The following TRIM48 variants were observed in gnomAD, a reference collection of about 807,000 sequenced individuals.
TRIM48 encodes the protein tripartite motif containing 48.
In TRIM48, 31 loss-of-function variants were observed where a neutral mutation model predicts 29.5. That is an observed-to-expected ratio of 1.05 (90% CI 0.79 to 1.42). The LOEUF is 1.42. Among genes scored for constraint, TRIM48 ranks in the 40% most tolerant of loss-of-function variants. TRIM48 has a pLI of 0.00. For synonymous variants in TRIM48, 128 were observed against 90.6 expected, an observed-to-expected ratio of 1.41 and a Z score of -2.34; for missense variants, 344 against 265.0, an observed-to-expected ratio of 1.30 and a Z score of -2.07.
At chr11:55,262,658 A>G (rs1857322447) in intron 1 of TRIM48, among the ~76,000 whole-genome samples, 1 of 152,168 alleles carries the variant, frequency 6.6e-6, no homozygotes, top group African/African-American at 2.4e-5. Flanking sequence ...AATTGAGAAG[A>G]CATTAATGAA....
intron 2 of TRIM48, 36 bp downstream of exon 2, chr11:55,265,350 G>C (rs1416917517): frequency 6.3e-7 from 1 of 1,580,386 alleles, no homozygotes; most frequent in African/African-American, 1.4e-5. Context: ...TTCTATAAAG[G>C]ACACATGAAA....
At chr11:55,265,511 G>T in intron 2 of TRIM48, 89 bp from the exon 3 acceptor site, 4 of 1,501,828 alleles carry the variant, frequency 2.7e-6, no homozygotes, top group Admixed American at 1.9e-5. Context: ...GGACTTATTT[G>T]TCTCTCATTC....
rs1857444630 is a variant in TRIM48, at chr11:55,269,403, G to T, written c.*1+64G>T. The stretch of plus-strand genomic sequence containing the variant: ...ATATTATTATTGTTAGGATCACATA[G>T]GTAATATTTCATCCTTTATCAAATA... On this transcript the variant is annotated intron_variant, in intron 5 of 5. Coordinates refer to ENST00000417545, the MANE Select transcript of TRIM48 (RefSeq NM_024114.5). 9 of 1,526,636 alleles carry T rather than the reference G, an allele frequency of 5.9e-6. 1 individual carries two copies. The East Asian group carries it at 1.7e-4, about 30-fold the overall frequency. The allele number at this position is 1,526,636 out of a possible 1,614,324, so 94.6% of individuals were successfully genotyped here.
chr11:55,265,433 C>A lies in TRIM48; in HGVS notation c.459+119C>A, dbSNP rs915403761. ...TCCCTTTAAGCAACTCTCTTTTGGG[C>A]TTTCTTAGCTTCAAACCTCTGAGAT... On this transcript the variant is annotated intron_variant, in intron 2 of 5. Transcript: ENST00000417545. 4 of 1,504,574 alleles carry A rather than the reference C, an allele frequency of 2.7e-6. 1 individual carries two copies. The Admixed American group carries it at 8.2e-5, about 31-fold the overall frequency. 93.2% of individuals were successfully genotyped at this position (1,504,574 alleles called of 1,614,324 possible).
At position 55,271,088 on chromosome 11, in the gene TRIM48, C is replaced by T. The variant is rs1016615069; in HGVS notation, c.*653C>T. 1.4e-5 allele frequency: 15 copies of T among 1,063,956 alleles called. No individual in the cohort carries two copies. In the Admixed American group the frequency reaches 2.0e-4, roughly 14 times the overall value. 65.9% of individuals were successfully genotyped at this position (1,063,956 alleles called of 1,614,324 possible). ...TTATTAAAACTCATTTATTGTGTTA[C>T]TATTAAATGTAGTAAAAACACTAAA... is the stretch of plus-strand genomic sequence containing the variant. On this transcript the variant is annotated 3_prime_UTR_variant, in exon 6 of 6. Coordinates refer to ENST00000417545, the MANE Select transcript of TRIM48 (RefSeq NM_024114.5).
At chr11:55,267,801 G>A (rs1857416270) in intron 3 of TRIM48, among the ~76,000 whole-genome samples, 1 of 147,622 alleles carries the variant, frequency 6.8e-6, no homozygotes, top group East Asian at 2.2e-4. Flanking sequence ...CCCCGCCAAG[G>A]GATCCTACCA....
chr11:55,270,687 T>C lies in TRIM48; in HGVS notation c.*252T>C, dbSNP rs749839358. On this transcript the variant is annotated 3_prime_UTR_variant, in exon 6 of 6. Coordinates refer to ENST00000417545, the MANE Select transcript of TRIM48 (RefSeq NM_024114.5). ...GGAAAGGGAAGAATCAGAATGGCAA[T>C]ATATATGGAGAGGAGGGACTCTTTA... 1.3e-5 allele frequency: 21 copies of C among 1,572,966 alleles called. 2 individuals carry two copies. Among genetic ancestry groups the C allele is most frequent in the Non-Finnish European group, 1.6e-5 (19 of 1,156,600 alleles).
chr11:55,263,424 A>G (rs7120292), intron 1 of TRIM48, among the ~76,000 whole-genome samples: 24,932 of 151,962 alleles, frequency 0.16, 2,177 homozygotes, highest in South Asian at 0.32. Context: ...AGGCCGTGGC[A>G]GGCAGATCAC....
intron 3 of TRIM48, 102 bp downstream of exon 3, chr11:55,265,797 C>CA (rs34036307): frequency 0.17 from 141,279 of 835,760 alleles, 4,804 homozygotes; most frequent in Admixed American, 0.21. Flanking sequence ...TTCTGGGAGT[C>CA]AAAAAAAAAA....
rs1169757784 is a variant in TRIM48 at position 55,270,977 on chromosome 11, C to G, written c.*542C>G. ...AAATGTGTTCATCTGCTGTGGGAACCCCTTTATCCCAGAAAGCCCTCTTCC... is the reference window on the plus strand; with the variant it reads ...AAATGTGTTCATCTGCTGTGGGAACGCCTTTATCCCAGAAAGCCCTCTTCC... On this transcript the variant is annotated 3_prime_UTR_variant, in exon 6 of 6. Transcript: ENST00000417545. 37 of 1,546,120 alleles carry G rather than the reference C, an allele frequency of 2.4e-5. 2 individuals carry two copies. The African/African-American group carries it at 3.7e-4, about 16-fold the overall frequency.
intron 1 of TRIM48, among the ~76,000 whole-genome samples, chr11:55,262,751 A>G (rs117303540): frequency 0.014 from 2,130 of 152,186 alleles, 110 homozygotes; most frequent in East Asian, 0.12. Context: ...GAAACTGAAA[A>G]AAATGAGAAA....
chr11:55,269,707 G>A (rs892956464), intron 5 of TRIM48, among the ~76,000 whole-genome samples: 1 of 147,322 alleles, frequency 6.8e-6, no homozygotes. Flanking sequence ...GTTAAGAACT[G>A]TTCTTTTGGG....
chr11:55,263,231 A>G lies in TRIM48; in HGVS notation c.44+920A>G, dbSNP rs116446948. On this transcript the variant is annotated intron_variant, in intron 1 of 5. Coordinates refer to ENST00000417545, the MANE Select transcript of TRIM48 (RefSeq NM_024114.5). ...TTACCACTGTGTTACAATTGCCTAG[A>G]GTATACAGTATAGAACACGCTGTAC... 7.2e-3 allele frequency among the ~76,000 whole-genome samples: 1,101 copies of G among 152,284 alleles called. 15 individuals are homozygous for G. The highest frequency in any genetic ancestry group is 0.025 in the African/African-American group (1,055 of 41,550).
At chr11:55,263,172 C>CT (rs1408552086) in intron 1 of TRIM48, among the ~76,000 whole-genome samples, 1 of 152,038 alleles carries the variant, frequency 6.6e-6, no homozygotes, top group African/African-American at 2.4e-5. Flanking sequence ...TTTACTGCAC[C>CT]TTTTCTGTAT....
intron 3 of TRIM48, 102 bp downstream of exon 3, chr11:55,265,797 C>T: frequency 1.2e-6 from 1 of 847,626 alleles, no homozygotes; most frequent in Non-Finnish European, 1.6e-6. Flanking sequence ...TTCTGGGAGT[C>T]AAAAAAAAAA....
In TRIM48 at chr11:55,262,215, A is replaced by G; in HGVS notation, c.-53A>G. 1.4e-6 allele frequency: 2 copies of G among 1,460,784 alleles called. No homozygotes were observed. The highest frequency in any genetic ancestry group is 2.5e-5 in the East Asian group (1 of 40,466). 90.5% of individuals were successfully genotyped at this position (1,460,784 alleles called of 1,614,324 possible). On this transcript the variant is annotated 5_prime_UTR_variant, in exon 1 of 6. Transcript: ENST00000417545. ...GAGCTGTGTTTTGGTGACCTCTGAA[A>G]CTCAGTACTGCAGCGAATGAGCTCC...
chr11:55,268,679 G>T (rs1355173739), intron 4 of TRIM48, among the ~76,000 whole-genome samples: 5 of 147,930 alleles, frequency 3.4e-5, no homozygotes, highest in Non-Finnish European at 7.5e-5. Context: ...AAGCAGGAGA[G>T]AAGTGGGGGA....
rs1343404019 is a variant in TRIM48 at position 55,266,340 on chromosome 11, T to C, written c.555+645T>C. 2.0e-5 allele frequency among the ~76,000 whole-genome samples: 3 copies of C among 147,498 alleles called. 1 individual carries two copies. Among genetic ancestry groups the C allele is most frequent in the Non-Finnish European group, 4.5e-5 (3 of 66,876 alleles). ...ACTTCAGAAAAATATTAAAAATGATTTCCTCTTTGTGGATGTATACTCTGA... is the reference window on the plus strand; with the variant it reads ...ACTTCAGAAAAATATTAAAAATGATCTCCTCTTTGTGGATGTATACTCTGA... On this transcript the variant is annotated intron_variant, in intron 3 of 5. Coordinates refer to ENST00000417545, the MANE Select transcript of TRIM48 (RefSeq NM_024114.5).
At chr11:55,263,606 G>A (rs1857339302) in intron 1 of TRIM48, among the ~76,000 whole-genome samples, 1 of 152,168 alleles carries the variant, frequency 6.6e-6, no homozygotes, top group African/African-American at 2.4e-5. Context: ...AGGTTGCAGT[G>A]AGCCGAGATT....
Sources: allele counts gnomAD v4.1 joint callset (sites outside exome capture counted in the v4.1 genomes callset), GRCh38; gene constraint gnomAD v4.1.1; transcripts MANE v1.5; gene names NCBI Gene and HGNC (gene_info 2026-07-23, HGNC 2026-07-21).